The following GRIP1 variants were observed in gnomAD, a reference collection of about 807,000 sequenced individuals.
GRIP1 encodes the protein glutamate receptor-interacting protein 1.
In GRIP1, 45 loss-of-function variants were observed where a neutral mutation model predicts 129.9. The observed-to-expected ratio is 0.35, with a 90% CI of 0.27 to 0.44. GRIP1 has a LOEUF of 0.44. GRIP1 is among the 20% of genes least tolerant of loss of function. The pLI, the probability that GRIP1 is intolerant of heterozygous loss-of-function variation, is 1.00. For synonymous variants in GRIP1, 530 were observed against 520.8 expected, an observed-to-expected ratio of 1.02 and a Z score of -0.24; for missense variants, 1,196 against 1,396.8, an observed-to-expected ratio of 0.86 and a Z score of 2.29.
chr12:66,667,829 T>C (rs1458589497), intron 1 of GRIP1, among the ~76,000 whole-genome samples: 1 of 152,174 alleles, frequency 6.6e-6, no homozygotes, highest in Non-Finnish European at 1.5e-5. Context: ...TGTTCCATCC[T>C]TCAAAAAATC....
chr12:66,623,268 C>A (rs1206450199), intron 1 of GRIP1, among the ~76,000 whole-genome samples: 2 of 152,154 alleles, frequency 1.3e-5, no homozygotes, highest in African/African-American at 4.8e-5. Context: ...AATCTTTAAT[C>A]AAAGTAGTGT....
At chr12:66,715,066 G>A (rs2035834293) in intron 1 of GRIP1, among the ~76,000 whole-genome samples, 1 of 152,004 alleles carries the variant, frequency 6.6e-6, no homozygotes, top group Non-Finnish European at 1.5e-5. Flanking sequence ...CTGCTCTAGT[G>A]TAGGCTTTCA....
intron 1 of GRIP1, among the ~76,000 whole-genome samples, chr12:66,638,037 G>A (rs534145493): frequency 1.3e-5 from 2 of 152,316 alleles, no homozygotes; most frequent in African/African-American, 4.8e-5. Context: ...CATGGTGTAT[G>A]TAAAGTCTGA....
At chr12:67,000,856 T>G (rs964669129) in intron 1 of GRIP1, among the ~76,000 whole-genome samples, 15 of 152,334 alleles carry the variant, frequency 9.8e-5, no homozygotes, top group Non-Finnish European at 2.2e-4. Context: ...TCAGGTTCAA[T>G]TTGAATGTTA....
At chr12:66,594,313 G>A (rs1483965936) in intron 2 of GRIP1, among the ~76,000 whole-genome samples, 1 of 152,038 alleles carries the variant, frequency 6.6e-6, no homozygotes, top group Non-Finnish European at 1.5e-5. Context: ...AAGTAGGATT[G>A]GGAGTGAGCA....
At chr12:66,957,227 G>A (rs992686246) in intron 1 of GRIP1, among the ~76,000 whole-genome samples, 1 of 152,056 alleles carries the variant, frequency 6.6e-6, no homozygotes, top group South Asian at 2.1e-4. Context: ...AAGACACAAC[G>A]AGAAGATGGC....
At chr12:66,627,279 C>G (rs1412094991) in intron 1 of GRIP1, among the ~76,000 whole-genome samples, 2 of 152,154 alleles carry the variant, frequency 1.3e-5, no homozygotes, top group African/African-American at 4.8e-5. Flanking sequence ...CCAAGTCTAC[C>G]AAATCTCTGG....
intron 1 of GRIP1, among the ~76,000 whole-genome samples, chr12:66,958,778 C>T (rs528663321): frequency 5.9e-5 from 9 of 152,126 alleles, no homozygotes; most frequent in South Asian, 2.1e-4. Flanking sequence ...TTTCTGGTGT[C>T]GAAATCATCA....
chr12:66,720,874 A>G (rs562338377), intron 1 of GRIP1, among the ~76,000 whole-genome samples: 15 of 152,280 alleles, frequency 9.9e-5, no homozygotes, highest in South Asian at 6.2e-4. Flanking sequence ...ATTCCTGTTA[A>G]TGTTGATATT....
At chr12:66,856,191 C>G (rs1009224440) in intron 1 of GRIP1, among the ~76,000 whole-genome samples, 2 of 152,058 alleles carry the variant, frequency 1.3e-5, no homozygotes, top group South Asian at 4.2e-4. Context: ...GAAACTGGAT[C>G]CCTTCCTTAC....
intron 5 of GRIP1, among the ~76,000 whole-genome samples, chr12:66,523,741 A>C (rs1011225922): frequency 3.9e-5 from 6 of 152,222 alleles, no homozygotes; most frequent in East Asian, 3.9e-4. Flanking sequence ...GGCAAATTGG[A>C]TAAAGAGTCA....
In GRIP1 at chr12:66,793,819, T is replaced by A. The variant is rs562931874; in HGVS notation, c.-420+10234A>T. Among the ~76,000 whole-genome samples the A allele has an allele frequency of 5.9e-4, 90 of 152,286 alleles. 2 individuals are homozygous for A. In the South Asian group the frequency reaches 6.6e-3, roughly 11 times the overall value. On this transcript the variant is annotated intron_variant, in intron 1 of 4. Transcript: ENST00000538373. ...GCATATTGGCTGATAATAGCTAACATACCGACAATTGTGTAACATTGAGAA... is the reference window on the plus strand; with the variant it reads ...GCATATTGGCTGATAATAGCTAACAAACCGACAATTGTGTAACATTGAGAA...
intron 1 of GRIP1, among the ~76,000 whole-genome samples, chr12:66,819,403 T>C (rs1434032227): frequency 6.6e-6 from 1 of 152,194 alleles, no homozygotes; most frequent in Non-Finnish European, 1.5e-5. Context: ...TGTAAGTAAT[T>C]ACACTATATT....
intron 2 of GRIP1, chr12:66,569,013 C>A: frequency 2.2e-6 from 1 of 462,678 alleles, no homozygotes; most frequent in South Asian, 1.7e-5. Context: ...CTGCGTGCTT[C>A]TCAGCATTAT....
chr12:66,906,573 G>A (rs1360148241), intron 1 of GRIP1, among the ~76,000 whole-genome samples: 2 of 152,146 alleles, frequency 1.3e-5, no homozygotes, highest in African/African-American at 2.4e-5. Flanking sequence ...CATTGCCACA[G>A]AAAGGCAGGA....
chr12:66,445,959 C>A (rs2058611832), intron 11 of GRIP1, among the ~76,000 whole-genome samples: 1 of 152,162 alleles, frequency 6.6e-6, no homozygotes, highest in South Asian at 2.1e-4. Flanking sequence ...GACTTTTAAA[C>A]AATCCTATCT....
chr12:67,035,105 C>T (rs563326602), intron 1 of GRIP1, among the ~76,000 whole-genome samples: 6 of 152,234 alleles, frequency 3.9e-5, no homozygotes, highest in African/African-American at 9.6e-5. Context: ...TATTAAGTTT[C>T]GGGTGCTGTG....
At chr12:66,462,439 C>A (rs751329316) in intron 9 of GRIP1, among the ~76,000 whole-genome samples, 13 of 152,108 alleles carry the variant, frequency 8.5e-5, no homozygotes, top group Non-Finnish European at 1.6e-4. Flanking sequence ...TCTGCACATT[C>A]AATTTGCACC....
At chr12:67,065,432 G>A (rs946434650) in intron 1 of GRIP1, among the ~76,000 whole-genome samples, 1 of 152,154 alleles carries the variant, frequency 6.6e-6, no homozygotes, top group African/African-American at 2.4e-5. Context: ...AGGCAAGGGG[G>A]TGAAGTGCTA....
Sources: allele counts gnomAD v4.1 joint callset (sites outside exome capture counted in the v4.1 genomes callset), GRCh38; gene constraint gnomAD v4.1.1; transcripts MANE v1.5; gene names NCBI Gene and HGNC (gene_info 2026-07-23, HGNC 2026-07-21).